The following RCCD1 variants were observed in gnomAD, a reference collection of about 807,000 sequenced individuals.
The protein encoded by RCCD1 is RCC1 domain containing 1.
In RCCD1, 40 loss-of-function variants were observed where a neutral mutation model predicts 37.6. The ratio of observed to expected loss-of-function variants is 1.06; its 90% CI spans 0.83 to 1.39. The LOEUF is 1.39. Ranked by LOEUF, RCCD1 falls within the 40% of genes most tolerant of loss-of-function variation. RCCD1 has a pLI of 0.00. For synonymous variants in RCCD1, 263 were observed against 230.0 expected, an observed-to-expected ratio of 1.14 and a Z score of -1.30; for missense variants, 577 against 517.3, an observed-to-expected ratio of 1.12 and a Z score of -1.12.
In RCCD1 at chr15:90,957,198, G is replaced by A. The variant is rs537904072; in HGVS notation, c.252G>A (p.Ala84=). 155 of 1,396,690 alleles carry A rather than the reference G, an allele frequency of 1.1e-4. 1 individual carries two copies. In the South Asian group the frequency reaches 1.8e-3, roughly 16 times the overall value. 86.5% of individuals were successfully genotyped at this position (1,396,690 alleles called of 1,614,324 possible). The change falls in exon 3 of 8, where the codon GCG becomes GCA. Residue 84 remains alanine, a synonymous_variant. Coordinates refer to ENST00000394258, the MANE Select transcript of RCCD1 (RefSeq NM_001017919.2). ...CGTGGGCCTCGGAGGGGCTCCTCGC[G>A]GTGCTGCGCGCCGGGCCGGGGCCGG... ...KDAWASEGLL[A]VLRAGPGPEA...
chr15:90,957,207 C>T lies in RCCD1; in HGVS notation c.261C>T (p.Arg87=). 1 of 1,408,970 alleles carries T rather than the reference C, an allele frequency of 7.1e-7. No individual in the cohort carries two copies. Among genetic ancestry groups the T allele is most frequent in the East Asian group, 2.9e-5 (1 of 35,028 alleles). The allele number at this position is 1,408,970 out of a possible 1,614,324, so 87.3% of individuals were successfully genotyped here. Residue 87 remains arginine, a synonymous_variant, in exon 3 of 8, where the codon CGC becomes CGT. Coordinates refer to ENST00000394258, the MANE Select transcript of RCCD1 (RefSeq NM_001017919.2). ...WASEGLLAVL[R]AGPGPEALLQ... ...CGGAGGGGCTCCTCGCGGTGCTGCG[C>T]GCCGGGCCGGGGCCGGAGGCGTTAC... is the stretch of plus-strand genomic sequence containing the variant.
intron 4 of RCCD1, among the ~76,000 whole-genome samples, chr15:90,959,409 T>C (rs1013773428): frequency 1.3e-5 from 2 of 152,194 alleles, no homozygotes; most frequent in African/African-American, 4.8e-5. Context: ...CAGGACCGGC[T>C]GTGGGTGCAG....
chr15:90,958,627 CAAAAAAAAAAA>C (rs5814447), intron 4 of RCCD1, among the ~76,000 whole-genome samples: 5 of 75,012 alleles, frequency 6.7e-5, no homozygotes, highest in African/African-American at 2.0e-4. Context: ...GACTCAGTCT[CAAAAAAAAAAA>C]AAAAAAAAAA....
At position 90,957,125 on chromosome 15, in the gene RCCD1, T is replaced by G; in HGVS notation, c.179T>G (p.Leu60Trp). The change falls in exon 3 of 8, where the codon TTG (leucine) becomes TGG (tryptophan). Residue 60 changes from leucine to tryptophan, a missense_variant. Physicochemically the swap from Leu to Trp is moderately conservative, Grantham distance 61 (BLOSUM62 -2). Coordinates refer to ENST00000394258, the MANE Select transcript of RCCD1 (RefSeq NM_001017919.2). ...YTAFVTRGGR[L>W]ELSGSASGAA... ...ATCCGCCCCGCAGGTGGAGGCCGCT[T>G]GGAGCTGTCGGGCTCAGCCAGCGGC... 1 of 1,349,952 alleles carries G rather than the reference T, an allele frequency of 7.4e-7. No homozygotes were observed. Among genetic ancestry groups the G allele is most frequent in the Non-Finnish European group, 9.5e-7 (1 of 1,056,630 alleles). 83.6% of individuals were successfully genotyped at this position (1,349,952 alleles called of 1,614,324 possible). A position where few individuals can be genotyped will look rare whatever the true frequency, so the allele number is the denominator to read the frequency against.
At chr15:90,960,293 C>T (rs892882206) in intron 5 of RCCD1, 35 bp from the exon 6 acceptor site, 8 of 1,561,190 alleles carry the variant, frequency 5.1e-6, no homozygotes, top group African/African-American at 2.7e-5. Flanking sequence ...GCTCAGGGCT[C>T]AGTTGGTGTT....
intron 4 of RCCD1, among the ~76,000 whole-genome samples, chr15:90,958,259 G>A (rs1256538842): frequency 6.6e-6 from 1 of 152,168 alleles, no homozygotes; most frequent in African/African-American, 2.4e-5. Flanking sequence ...GTGAGGCTGG[G>A]AACAGATGAT....
At position 90,962,073 on chromosome 15, in the gene RCCD1, T is replaced by C. The variant is rs781345499; in HGVS notation, c.*304T>C. 9.8e-6 allele frequency: 2 copies of C among 204,100 alleles called. No individual in the cohort carries two copies. Among genetic ancestry groups the C allele is most frequent in the Non-Finnish European group, 2.0e-5 (2 of 101,054 alleles). The allele number at this position is 204,100 out of a possible 1,614,324, so 12.6% of individuals were successfully genotyped here. Reference sequence around the variant, plus strand: ...TCCACCCACCTCATCCCAGGTACATTTGATGTGCAGCTGAGATTGGGGCAC... The same window carrying C: ...TCCACCCACCTCATCCCAGGTACATCTGATGTGCAGCTGAGATTGGGGCAC... On this transcript the variant is annotated 3_prime_UTR_variant, in exon 8 of 8. Coordinates refer to ENST00000394258, the MANE Select transcript of RCCD1 (RefSeq NM_001017919.2).
chr15:90,960,188 G>A, intron 5 of RCCD1, 140 bp from the exon 6 acceptor site: 4 of 989,674 alleles, frequency 4.0e-6, no homozygotes, highest in South Asian at 3.2e-5. Context: ...AGCCCTGCCT[G>A]CAGAATGTAG....
rs1023930896 is a variant in RCCD1, at chr15:90,958,792, C to T, written c.679+1067C>T. On this transcript the variant is annotated intron_variant, in intron 4 of 7. Coordinates refer to ENST00000394258, the MANE Select transcript of RCCD1 (RefSeq NM_001017919.2). ...ACAAAAAATATAAAAATGAGCTGGG[C>T]GTGGCGGCTCGTGCCTGTGGTCCCA... Among the ~76,000 whole-genome samples, 6 of 149,064 alleles carry T rather than the reference C, an allele frequency of 4.0e-5. 1 individual carries two copies. Among genetic ancestry groups the T allele is most frequent in the Admixed American group, 3.3e-4 (5 of 15,032 alleles).
Position 90,960,364 on chromosome 15 carries a change from G to C in RCCD1, c.815G>C (p.Arg272Thr). The change falls in exon 6 of 8, where the codon AGA becomes ACA. Residue 272 changes from arginine (R) to threonine (T), a missense_variant. By Grantham distance (71) the Arg-to-Thr change is moderately conservative. Coordinates refer to ENST00000394258, the MANE Select transcript of RCCD1 (RefSeq NM_001017919.2). ...ELNEDGSQVKRTGGAEDGAPA... is the reference protein window; with the variant it reads ...ELNEDGSQVKTTGGAEDGAPA... ...AATGAAGATGGTTCTCAGGTGAAGA[G>C]AACGGGTGGGGCTGAGGATGGAGCC... 3.7e-6 allele frequency: 6 copies of C among 1,613,186 alleles called. No individual in the cohort carries two copies. The highest frequency in any genetic ancestry group is 4.2e-6 in the Non-Finnish European group (5 of 1,179,692).
chr15:90,955,153 C>A (rs1280176647), intron 1 of RCCD1: 3 of 152,318 alleles, frequency 2.0e-5, no homozygotes, highest in African/African-American at 7.2e-5. Flanking sequence ...TCGGAGGTTT[C>A]AGCCCATTTC....
At position 90,958,434 on chromosome 15, in the gene RCCD1, C is replaced by T. The variant is rs137859474; in HGVS notation, c.679+709C>T. 6.3e-3 allele frequency among the ~76,000 whole-genome samples: 956 copies of T among 152,114 alleles called. 2 individuals carry two copies. The highest frequency in any genetic ancestry group is 9.0e-3 in the Admixed American group (138 of 15,278). Reference sequence around the variant, plus strand: ...ACGAGGTCAGGAGTTCGAGATCAGCCTGACCAACATGGTGAAACCCCGTCT... The same window carrying T: ...ACGAGGTCAGGAGTTCGAGATCAGCTTGACCAACATGGTGAAACCCCGTCT... On this transcript the variant is annotated intron_variant, in intron 4 of 7. Transcript: ENST00000394258.
chr15:90,960,201 G>T (rs1329707398), intron 5 of RCCD1, 127 bp from the exon 6 acceptor site: 3 of 1,059,082 alleles, frequency 2.8e-6, no homozygotes, highest in East Asian at 4.8e-5. Context: ...GAATGTAGGG[G>T]TTGGGAGCAC....
intron 5 of RCCD1, 97 bp downstream of exon 5, chr15:90,960,095 A>C: frequency 1.9e-6 from 2 of 1,079,954 alleles, no homozygotes; most frequent in Non-Finnish European, 2.7e-6. Flanking sequence ...CACTGCTCAG[A>C]TGGAGCATGT....
rs758067277 is a variant in RCCD1, at chr15:90,956,760, G to C, written c.26G>C (p.Trp9Ser). ...ATGGCGGAGGAGCGGCCGGGGGCCT[G>C]GTTCGGCTTCGGTTTCTGCGGCTTC... MAEERPGA[W>S]FGFGFCGFGQ... Residue 9 changes from tryptophan (W) to serine (S), a missense_variant, in exon 2 of 8, where the codon TGG (tryptophan) becomes TCG (serine). Transcript: ENST00000394258. 1.2e-5 allele frequency: 16 copies of C among 1,331,000 alleles called. No homozygotes were observed. In the South Asian group the frequency reaches 3.5e-4, roughly 29 times the overall value. 82.4% of individuals were successfully genotyped at this position (1,331,000 alleles called of 1,614,324 possible).
In RCCD1 at chr15:90,956,602, C is replaced by G; in HGVS notation, c.-123-10C>G. On this transcript the variant is annotated splice_polypyrimidine_tract_variant and intron_variant, in intron 1 of 7. Coordinates refer to ENST00000394258, the MANE Select transcript of RCCD1 (RefSeq NM_001017919.2). ...GTGGTCGGGAGAATGATAGTTTCTC[C>G]ATTTTACAGATAAGGCAGCTCCAGC... 1.1e-6 allele frequency: 1 copy of G among 873,260 alleles called. No individual in the cohort carries two copies. Among genetic ancestry groups the G allele is most frequent in the South Asian group, 6.0e-5 (1 of 16,616 alleles). 54.1% of individuals were successfully genotyped at this position (873,260 alleles called of 1,614,324 possible). A position where few individuals can be genotyped will look rare whatever the true frequency, so the allele number is the denominator to read the frequency against.
chr15:90,957,761 A>G (rs780782906), intron 4 of RCCD1, 36 bp downstream of exon 4: 6 of 1,563,666 alleles, frequency 3.8e-6, no homozygotes, highest in East Asian at 2.3e-5. Flanking sequence ...CGAGCTCATG[A>G]TCTTGTGCAA....
intron 1 of RCCD1, among the ~76,000 whole-genome samples, chr15:90,956,252 CTCTG>C (rs1202896817): frequency 7.9e-5 from 12 of 152,322 alleles, no homozygotes; most frequent in East Asian, 5.8e-4. Flanking sequence ...CTCTGCCCCT[CTCTG>C]TCTGGCTGTA....
intron 7 of RCCD1, chr15:90,961,388 A>G (rs1367844258): frequency 8.5e-6 from 5 of 585,786 alleles, no homozygotes; most frequent in Non-Finnish European, 1.5e-5. Flanking sequence ...TGTGCTCTGA[A>G]CATCTTAGCT....
Sources: gnomAD v4.1 joint callset for allele counts (sites outside exome capture counted in the v4.1 genomes callset) on GRCh38, gnomAD v4.1.1 for gene constraint, MANE v1.5 for transcripts, NCBI Gene and HGNC (gene_info 2026-07-23, HGNC 2026-07-21) for gene names.